Variants in SHANK2 observed in about 807,000 individuals in gnomAD.
The protein encoded by SHANK2 is SH3 and multiple ankyrin repeat domains 2.
Under a neutral mutation model 133.7 loss-of-function variants are expected in SHANK2, and 43 were observed. The ratio of observed to expected loss-of-function variants is 0.32; its 90% confidence interval spans 0.25 to 0.41. SHANK2 has a LOEUF of 0.41. Ranked by LOEUF, SHANK2 falls within the 10% of genes least tolerant of loss-of-function variation. The pLI, the probability that SHANK2 is intolerant of heterozygous loss-of-function variation, is 1.00. For synonymous variants in SHANK2, 1,017 were observed against 952.8 expected (o/e 1.07, Z -1.24); for missense variants, 1,994 against 2,235.8 (o/e 0.89, Z 2.18).
At chr11:70,599,901 GAAAGAGAAAGAAAGAAAGAAAGAAAGAA>G (rs1565166207) in intron 17 of SHANK2, among the ~76,000 whole-genome samples, 8 of 80,140 alleles carry the variant, frequency 1.0e-4, no homozygotes, top group African/African-American at 3.6e-4. Flanking sequence ...AAGAAAGAAA[GAAAGAGAAAGAAAGAAAGAAAGAAAGAA>G]AGAAAGAAAG....
chr11:70,722,904 T>G (rs1414936777), intron 14 of SHANK2, among the ~76,000 whole-genome samples: 1 of 151,996 alleles, frequency 6.6e-6, no homozygotes, highest in African/African-American at 2.4e-5. Flanking sequence ...AAAAAGAGGG[T>G]TTTGAAATAA....
At chr11:70,683,248 G>A (rs1471928151) in intron 15 of SHANK2, among the ~76,000 whole-genome samples, 1 of 152,124 alleles carries the variant, frequency 6.6e-6, no homozygotes, top group African/African-American at 2.4e-5. Flanking sequence ...GAAGCTCTGG[G>A]ATTCCACCGT....
chr11:70,911,570 A>G (rs1565401056), intron 10 of SHANK2, among the ~76,000 whole-genome samples: 1 of 152,012 alleles, frequency 6.6e-6, no homozygotes, highest in Non-Finnish European at 1.5e-5. Context: ...CAACCTCACC[A>G]TTGCTATCAT....
chr11:71,100,661 G>C (rs1403416590), intron 6 of SHANK2, among the ~76,000 whole-genome samples: 1 of 152,176 alleles, frequency 6.6e-6, no homozygotes, highest in Non-Finnish European at 1.5e-5. Flanking sequence ...GAGGTCAGGA[G>C]ATCGAGACCA....
chr11:70,591,234 C>A (rs1229706241), intron 17 of SHANK2, among the ~76,000 whole-genome samples: 1 of 152,020 alleles, frequency 6.6e-6, no homozygotes, highest in Admixed American at 6.6e-5. Flanking sequence ...TGCCTGGGAT[C>A]CCAGCTACTA....
intron 17 of SHANK2, among the ~76,000 whole-genome samples, chr11:70,582,563 T>C (rs1554985724): frequency 1.3e-5 from 2 of 152,200 alleles, no homozygotes; most frequent in African/African-American, 4.8e-5. Context: ...AGCGGGAGGA[T>C]ACGCAAACCT....
At chr11:71,159,334 T>C (rs1158802593) in intron 2 of SHANK2, among the ~76,000 whole-genome samples, 30 of 152,104 alleles carry the variant, frequency 2.0e-4, no homozygotes, top group African/African-American at 6.8e-4. Context: ...CACATCACCA[T>C]CTCCTCTTCT....
chr11:70,721,894 A>G (rs781901709), intron 14 of SHANK2, among the ~76,000 whole-genome samples: 5 of 152,256 alleles, frequency 3.3e-5, no homozygotes, highest in Non-Finnish European at 7.3e-5. Flanking sequence ...TCAAGGGAAG[A>G]ATGTCCTTTG....
chr11:70,795,046 C>T (rs1427809698), intron 14 of SHANK2, among the ~76,000 whole-genome samples: 1 of 152,066 alleles, frequency 6.6e-6, no homozygotes, highest in Admixed American at 6.5e-5. Flanking sequence ...CAAGCAGAAC[C>T]CAGCAGGAAC....
At chr11:70,863,700 G>A (rs1565368797) in intron 11 of SHANK2, 6 of 423,410 alleles carry the variant, frequency 1.4e-5, no homozygotes, top group South Asian at 6.9e-5. Flanking sequence ...CTGGCACCCC[G>A]TTTCGGCCTC....
At chr11:70,628,766 C>T (rs891218904) in intron 17 of SHANK2, among the ~76,000 whole-genome samples, 1 of 152,236 alleles carries the variant, frequency 6.6e-6, no homozygotes, top group African/African-American at 2.4e-5. Flanking sequence ...AGTTTCGGCC[C>T]ACCTGCCCTC....
intron 10 of SHANK2, among the ~76,000 whole-genome samples, chr11:70,932,310 C>T (rs1287701565): frequency 6.6e-6 from 1 of 152,218 alleles, no homozygotes; most frequent in Non-Finnish European, 1.5e-5. Flanking sequence ...ATCTTAAAAT[C>T]TTGTCCTATA....
At position 70,471,484 on chromosome 11, in the gene SHANK2, C is replaced by A. The variant is rs1202977931; in HGVS notation, c.*1385G>T. The A allele has an allele frequency of 5.0e-6, 2 of 398,460 alleles. No homozygotes were observed. Among genetic ancestry groups the A allele is most frequent in the East Asian group, 7.1e-5 (2 of 28,062 alleles). 24.7% of individuals were successfully genotyped at this position (398,460 alleles called of 1,614,324 possible). A position where few individuals can be genotyped will look rare whatever the true frequency, so the allele number is the denominator to read the frequency against. On this transcript the variant is annotated 3_prime_UTR_variant, in exon 26 of 26. Coordinates refer to ENST00000601538, the MANE Select transcript of SHANK2 (RefSeq NM_012309.5). This position sits in a 1 kb window ranked among gnomAD's most constrained non-coding sequence, Gnocchi z 4.1. ...GAGGGACTCCGGGGAAAGAAAGGGG[C>A]GGGGCTCAAGAAAGCCTTGCCAGAG...
At chr11:70,813,067 G>A (rs1486108648) in intron 12 of SHANK2, among the ~76,000 whole-genome samples, 1 of 152,136 alleles carries the variant, frequency 6.6e-6, no homozygotes, top group Non-Finnish European at 1.5e-5. Context: ...GGTGGGCTGT[G>A]AGCCCATCGC....
chr11:70,553,989 A>C (rs553399466), intron 17 of SHANK2, among the ~76,000 whole-genome samples: 47 of 152,348 alleles, frequency 3.1e-4, no homozygotes, highest in African/African-American at 1.1e-3. Context: ...GAATAAAGTC[A>C]TGAAAGAGAA....
At chr11:70,488,983 C>T (rs554030698) in intron 24 of SHANK2, 62 of 338,058 alleles carry the variant, frequency 1.8e-4, no homozygotes, top group Non-Finnish European at 2.5e-4. Context: ...GCACACACAC[C>T]GACAGACGCG....
In SHANK2 at chr11:70,545,575, A is replaced by C. The variant is rs142002599; in HGVS notation, c.2062-42644T>G. 1.8e-3 allele frequency among the ~76,000 whole-genome samples: 279 copies of C among 152,352 alleles called. 2 individuals are homozygous for C. Among genetic ancestry groups the C allele is most frequent in the African/African-American group, 6.2e-3 (259 of 41,582 alleles). Reference sequence around the variant, plus strand: ...GTCTCCCTAAGGCCACTGGGACGGGATAATTCACGCACACCCTCCGTACGG... The same window carrying C: ...GTCTCCCTAAGGCCACTGGGACGGGCTAATTCACGCACACCCTCCGTACGG... On this transcript the variant is annotated intron_variant, in intron 17 of 25. Coordinates refer to ENST00000601538, the MANE Select transcript of SHANK2 (RefSeq NM_012309.5).
At chr11:71,241,783 G>A (rs1221002689) in intron 1 of SHANK2, among the ~76,000 whole-genome samples, 3 of 152,230 alleles carry the variant, frequency 2.0e-5, no homozygotes, top group Non-Finnish European at 4.4e-5. Flanking sequence ...GACCCATGAA[G>A]AAAGGTGGGG....
At chr11:70,952,646 CAG>C in intron 10 of SHANK2, 1 of 278,226 alleles carries the variant, frequency 3.6e-6, no homozygotes, top group South Asian at 3.2e-5. Context: ...TGGCAAACAG[CAG>C]AGACGCACCC....
Sources: allele counts gnomAD v4.1 joint callset (sites outside exome capture counted in the v4.1 genomes callset), GRCh38; gene constraint gnomAD v4.1.1; non-coding constraint Gnocchi (gnomAD v3.1); transcripts MANE v1.5; gene names NCBI Gene and HGNC (gene_info 2026-07-23, HGNC 2026-07-21).